TPRA1: variants seen among roughly 807,000 people sequenced by gnomAD.
TPRA1 encodes transmembrane protein adipocyte-associated 1.
A neutral mutation model predicts 40.1 loss-of-function variants in TPRA1; 28 were observed. The ratio of observed to expected loss-of-function variants is 0.70; its 90% CI spans 0.52 to 0.96. TPRA1 has a LOEUF of 0.96. Among genes scored for constraint, TPRA1 ranks in the 40% least tolerant of loss-of-function variants. The pLI is 0.00. For synonymous variants in TPRA1, 219 were observed against 209.7 expected, an observed-to-expected ratio of 1.04 and a Z score of -0.38; for missense variants, 441 against 482.6, an observed-to-expected ratio of 0.91 and a Z score of 0.81.
At chr3:127,585,443 A>G (rs1187791848) in intron 1 of TPRA1, among the ~76,000 whole-genome samples, 1 of 152,196 alleles carries the variant, frequency 6.6e-6, no homozygotes, top group Non-Finnish European at 1.5e-5. Flanking sequence ...TTCCATGGGG[A>G]CAGGATGCCA....
upstream of TPRA1, chr3:127,594,669 C>T (rs963961623): frequency 6.6e-6 from 1 of 152,264 alleles, no homozygotes; most frequent in Non-Finnish European, 1.5e-5. Flanking sequence ...TGTACATCCA[C>T]ATCACCTACC....
chr3:127,575,032 CTG>C (rs775718334), intron 10 of TPRA1, 151 bp downstream of exon 10: 37 of 774,140 alleles, frequency 4.8e-5, no homozygotes, highest in Admixed American at 1.1e-4. Flanking sequence ...GCATGTGTAT[CTG>C]TATGTGTGTG....
chr3:127,587,387 T>G (rs1253053710), intron 1 of TPRA1, among the ~76,000 whole-genome samples: 1 of 152,126 alleles, frequency 6.6e-6, no homozygotes, highest in East Asian at 1.9e-4. Context: ...CTTGGACTTT[T>G]CAGTTATAAA....
chr3:127,574,721 T>C (rs757348346), intron 10 of TPRA1, among the ~76,000 whole-genome samples: 4 of 152,256 alleles, frequency 2.6e-5, no homozygotes, highest in Non-Finnish European at 4.4e-5. Context: ...ACACCGTGCA[T>C]AGTCACTCTC....
intron 3 of TPRA1, 48 bp downstream of exon 3, chr3:127,579,692 G>T (rs1321787882): frequency 1.3e-6 from 2 of 1,597,164 alleles, no homozygotes; most frequent in Admixed American, 3.5e-5. Context: ...TTCCCTTTTT[G>T]TTTAACCCAG....
At chr3:127,596,866 T>G (rs2074248175) in intron 1 of TPRA1, among the ~76,000 whole-genome samples, 1 of 152,130 alleles carries the variant, frequency 6.6e-6, no homozygotes, top group South Asian at 2.1e-4. Context: ...CCTGTAATCC[T>G]AGCACTATGG....
At position 127,572,598 on chromosome 3, in the gene TPRA1, T is replaced by G. The variant is rs1381960010; in HGVS notation, c.*923A>C. Among the ~76,000 whole-genome samples the G allele has an allele frequency of 6.6e-6, 1 of 152,228 alleles. No homozygotes were observed. Among genetic ancestry groups the G allele is most frequent in the African/African-American group, 2.4e-5 (1 of 41,454 alleles). Reference sequence around the variant, plus strand: ...TGGGGGCCTACTATGTGCCAAGCACTATTCTTGAGGCTAAAAATAAGAGCT... The same window carrying G: ...TGGGGGCCTACTATGTGCCAAGCACGATTCTTGAGGCTAAAAATAAGAGCT... On this transcript the variant is annotated 3_prime_UTR_variant, in exon 11 of 11. Transcript: ENST00000355552.
intron 1 of TPRA1, among the ~76,000 whole-genome samples, chr3:127,580,878 C>T (rs2073810086): frequency 6.6e-6 from 1 of 152,208 alleles, no homozygotes; most frequent in Admixed American, 6.5e-5. Flanking sequence ...GAGGCTGTAC[C>T]ACAGAGGGGC....
intron 1 of TPRA1, among the ~76,000 whole-genome samples, chr3:127,586,267 G>A (rs904497992): frequency 6.6e-6 from 1 of 152,208 alleles, no homozygotes; most frequent in African/African-American, 2.4e-5. Context: ...ATAATAACTT[G>A]TAACTTTGAG....
At chr3:127,597,812 C>CT (rs752283945) in intron 1 of TPRA1, among the ~76,000 whole-genome samples, 2,046 of 145,162 alleles carry the variant, frequency 0.014, 49 homozygotes, top group African/African-American at 0.046. Context: ...CCTCTGCTGT[C>CT]TTTTTTTTTT....
intron 10 of TPRA1, among the ~76,000 whole-genome samples, chr3:127,574,376 G>C (rs556683605): frequency 2.2e-4 from 34 of 152,362 alleles, no homozygotes; most frequent in African/African-American, 7.5e-4. Flanking sequence ...GGTGAGAAAG[G>C]GGGGACAAAA....
chr3:127,577,376 T>C (rs895397296), intron 3 of TPRA1, among the ~76,000 whole-genome samples: 2 of 152,132 alleles, frequency 1.3e-5, no homozygotes, highest in African/African-American at 2.4e-5. Flanking sequence ...TGGAGCCAGA[T>C]GGGCCAGGTT....
At chr3:127,575,605 C>T in intron 8 of TPRA1, 100 bp from the exon 9 acceptor site, 1 of 1,447,842 alleles carries the variant, frequency 6.9e-7, no homozygotes, top group South Asian at 1.3e-5. Flanking sequence ...CCCCCGGGGC[C>T]CCTCTAGGCC....
intron 1 of TPRA1, among the ~76,000 whole-genome samples, chr3:127,584,551 G>A (rs965866844): frequency 6.8e-6 from 1 of 146,140 alleles, no homozygotes; most frequent in African/African-American, 2.5e-5. Flanking sequence ...AAGAAACACA[G>A]TAGAGACTGC....
upstream of TPRA1, among the ~76,000 whole-genome samples, chr3:127,592,232 ACC>A (rs2074185500): frequency 6.6e-6 from 1 of 152,212 alleles, no homozygotes; most frequent in Non-Finnish European, 1.5e-5. Context: ...CTGCCACCCT[ACC>A]ATGTGCCAGG....
Position 127,575,422 on chromosome 3 carries a change from C to G in TPRA1, c.754G>C (p.Asp252His), listed in dbSNP as rs748327009. 4 of 1,596,030 alleles carry G rather than the reference C, an allele frequency of 2.5e-6. No individual in the cohort carries two copies. Among genetic ancestry groups the G allele is most frequent in the Non-Finnish European group, 3.4e-6 (4 of 1,171,476 alleles). Residue 252 changes from aspartate (D) to histidine (H), a missense_variant, in exon 9 of 11, where the codon GAC (aspartate) becomes CAC (histidine). Transcript: ENST00000355552. ...QGLGSVLLCF[D>H]IIEGLCCVDA... is the part of the protein sequence containing the mutation. Reference sequence around the variant, plus strand: ...ACGCACCAGAGCCCCTCGATGATGTCGAAGCACAGCAGCACACTCCCCAGC... The same window carrying G: ...ACGCACCAGAGCCCCTCGATGATGTGGAAGCACAGCAGCACACTCCCCAGC...
rs766338560 is a variant in TPRA1, at chr3:127,575,452, G to A, written c.724C>T (p.Gln242Ter). 1 of 1,603,488 alleles carries A rather than the reference G, an allele frequency of 6.2e-7. No homozygotes were observed. ...AGILALLNLL[Q>*]GLGSVLLCFD... ...CACAGCAGCACACTCCCCAGCCCCT[G>A]CAGTAGGTTGAGCAGTGCCAGGATG... Residue 242 changes from glutamine to a stop codon, truncating the protein, a stop_gained, in exon 9 of 11, where the codon CAG becomes TAG. Transcript: ENST00000355552. LOFTEE classifies it high-confidence loss of function.
rs1428296172 is a variant in TPRA1 at position 127,576,594 on chromosome 3, C to T, written c.498+23G>A. 1 of 1,567,410 alleles carries T rather than the reference C, an allele frequency of 6.4e-7. No homozygotes were observed. Among genetic ancestry groups the T allele is most frequent in the Non-Finnish European group, 8.7e-7 (1 of 1,153,708 alleles). ...CCTGGTGCCCTGACTCCTAGCGTCC[C>T]CTGCCCACACTCACCCTCTTACCTG... On this transcript the variant is annotated intron_variant, in intron 6 of 10. Coordinates refer to ENST00000355552, the MANE Select transcript of TPRA1 (RefSeq NM_001136053.4). This position sits in a 1 kb window ranked among gnomAD's most constrained non-coding sequence, Gnocchi z 4.6.
At chr3:127,588,418 CTT>C (rs34353913) in intron 1 of TPRA1, among the ~76,000 whole-genome samples, 48 of 132,460 alleles carry the variant, frequency 3.6e-4, no homozygotes, top group Admixed American at 4.5e-4. Flanking sequence ...GAAGCACTGA[CTT>C]TTTTTTTTTT....
Sources: gnomAD v4.1 joint callset for allele counts (sites outside exome capture counted in the v4.1 genomes callset) on GRCh38, gnomAD v4.1.1 for gene constraint, Gnocchi (gnomAD v3.1) non-coding constraint, MANE v1.5 for transcripts, NCBI Gene and HGNC (gene_info 2026-07-23, HGNC 2026-07-21) for gene names.